DHX32: variants seen among roughly 807,000 people sequenced by gnomAD.
DHX32 encodes DEAH-box helicase 32 (putative), also known as putative pre-mRNA-splicing factor ATP-dependent RNA helicase DHX32.
A neutral mutation model predicts 70.0 loss-of-function variants in DHX32; 51 were observed. The observed-to-expected ratio is 0.73, with a 90% confidence interval of 0.58 to 0.92. DHX32 has a LOEUF of 0.92. Ranked by LOEUF, DHX32 falls within the 40% of genes least tolerant of loss-of-function variation. The pLI, the probability that DHX32 is intolerant of heterozygous loss-of-function variation, is 0.00. For missense variants in DHX32, 762 were observed against 891.8 expected (o/e 0.85, Z 1.85); for synonymous variants, 310 against 315.3 (o/e 0.98, Z 0.18).
rs1165588752 is a variant in DHX32, at chr10:125,850,342, TTTTC to T, written c.1351+1947_1351+1950del. ...CTGGCCTCTGCAGCCTTTGACTTTC[TTTTC>T]TTTCTTTCTTTTTTTTTTTTTTTTT... On this transcript the variant is annotated intron_variant, in intron 6 of 10. Coordinates refer to ENST00000284690, the MANE Select transcript of DHX32 (RefSeq NM_018180.3). 2.4e-3 allele frequency among the ~76,000 whole-genome samples: 362 copies of T among 150,232 alleles called. 1 individual carries two copies. The highest frequency in any genetic ancestry group is 6.7e-3 in the African/African-American group (274 of 40,758).
At chr10:125,838,879 A>G in intron 9 of DHX32, 122 bp downstream of exon 9, 1 of 1,165,186 alleles carries the variant, frequency 8.6e-7, no homozygotes, top group Non-Finnish European at 1.2e-6. Flanking sequence ...ATCTTTAATA[A>G]TAACATGGAT....
At chr10:125,878,265 A>G (rs1167192466) in intron 1 of DHX32, among the ~76,000 whole-genome samples, 1 of 152,220 alleles carries the variant, frequency 6.6e-6, no homozygotes, top group East Asian at 1.9e-4. Flanking sequence ...TTACCTTTTT[A>G]AAGATAAATT....
Position 125,839,123 on chromosome 10 carries a change from T to A in DHX32, c.1759A>T (p.Ile587Phe). 1 of 1,614,246 alleles carries A rather than the reference T, an allele frequency of 6.2e-7. No homozygotes were observed. The highest frequency in any genetic ancestry group is 1.3e-5 in the African/African-American group (1 of 75,062). Residue 587 changes from isoleucine to phenylalanine, a missense_variant, in exon 9 of 11, where the codon ATT becomes TTT. Transcript: ENST00000284690. ...NCSALRMADV[I>F]RAELLEIIKR... ...ATAATTTCTAAGAGTTCAGCTCGAA[T>A]AACATCTGCCATTCTGAGTGCTGAA...
At chr10:125,840,425 CT>C (rs1290827488) in intron 8 of DHX32, among the ~76,000 whole-genome samples, 7 of 152,270 alleles carry the variant, frequency 4.6e-5, no homozygotes, top group Non-Finnish European at 5.9e-5. Flanking sequence ...GTATCTGGAG[CT>C]CTGCAGCCTC....
At chr10:125,894,052 C>G (rs77063093) in intron 1 of DHX32, among the ~76,000 whole-genome samples, 1 of 152,208 alleles carries the variant, frequency 6.6e-6, no homozygotes, top group Non-Finnish European at 1.5e-5. Context: ...GCAAAGTAAA[C>G]AATAATGTAA....
intron 1 of DHX32, among the ~76,000 whole-genome samples, chr10:125,879,112 C>T (rs915094383): frequency 2.0e-5 from 3 of 146,458 alleles, no homozygotes; most frequent in African/African-American, 5.1e-5. Flanking sequence ...CAGCCTTGAC[C>T]TCATGGGCTC....
At chr10:125,846,604 G>C (rs1055793288) in intron 6 of DHX32, among the ~76,000 whole-genome samples, 2 of 152,174 alleles carry the variant, frequency 1.3e-5, no homozygotes, top group Non-Finnish European at 2.9e-5. Flanking sequence ...AGATGCACAC[G>C]TAAATCAAGA....
At chr10:125,870,761 C>T (rs540259613) in intron 1 of DHX32, among the ~76,000 whole-genome samples, 80 of 152,068 alleles carry the variant, frequency 5.3e-4, no homozygotes, top group African/African-American at 1.8e-3. Context: ...CACTTGAACC[C>T]GGGAGGCGCA....
rs1433624184 is a variant in DHX32, at chr10:125,853,995, C to A, written c.1058G>T (p.Arg353Ile). 6.2e-7 allele frequency: 1 copy of A among 1,613,852 alleles called. No homozygotes were observed. The highest frequency in any genetic ancestry group is 8.5e-7 in the Non-Finnish European group (1 of 1,179,964). Residue 353 changes from arginine (R) to isoleucine (I), a missense_variant, in exon 4 of 11, where the codon AGA becomes ATA. Coordinates refer to ENST00000284690, the MANE Select transcript of DHX32 (RefSeq NM_018180.3). ...TTCCACACCCACATCGATAACAAAT[C>A]TGACTGAGTTGCTCCAGATCAAAAA... Reference protein sequence around the residue: ...GEFLIWSNSVRFVIDVGVERR... With the variant: ...GEFLIWSNSVIFVIDVGVERR...
rs1436761900 is a variant in DHX32 at position 125,867,074 on chromosome 10, G to A, written c.392C>T (p.Ala131Val). Residue 131 changes from alanine to valine, a missense_variant, in exon 2 of 11, where the codon GCG becomes GTG. Transcript: ENST00000284690. ...ACCAATGTTAACATCCATTTCATCC[G>A]CCACCCGCAGGGCGAGCTGGACCAC... The part of the protein sequence containing the change: ...QTVVQLALRV[A>V]DEMDVNIGHE... 3 of 1,614,162 alleles carry A rather than the reference G, an allele frequency of 1.9e-6. No individual in the cohort carries two copies. The highest frequency in any genetic ancestry group is 1.1e-5 in the South Asian group (1 of 91,076).
chr10:125,891,549 T>C (rs1159535999), intron 1 of DHX32, among the ~76,000 whole-genome samples: 6 of 152,214 alleles, frequency 3.9e-5, no homozygotes, highest in Non-Finnish European at 5.9e-5. Flanking sequence ...CTAGGCAACA[T>C]AGCAAGACTC....
Position 125,859,635 on chromosome 10 carries a change from C to G in DHX32, c.817G>C (p.Gly273Arg), listed in dbSNP as rs1445329703. 1.2e-6 allele frequency: 2 copies of G among 1,602,604 alleles called. No homozygotes were observed. Among genetic ancestry groups the G allele is most frequent in the Non-Finnish European group, 1.7e-6 (2 of 1,175,230 alleles). The change falls in exon 3 of 11, where the codon GGT becomes CGT. Residue 273 changes from glycine to arginine, a missense_variant. Gly to Arg is a moderately radical substitution (Grantham distance 125). This residue lies in a region of DHX32 where 394 missense variants were observed against 473.1 expected (regional missense o/e 0.83). Transcript: ENST00000284690. ...IFEIHHSGEK[G>R]DIVVFLACEQ... ...CAGGCCAGAAAGACTACAATGTCAC[C>G]TTTCTCACCCGAGTGGTGAATTTCA...
chr10:125,887,892 G>A (rs564567609), intron 1 of DHX32, among the ~76,000 whole-genome samples: 45 of 152,224 alleles, frequency 3.0e-4, no homozygotes, highest in African/African-American at 1.1e-3. Context: ...TTATGAGCAG[G>A]TGCACCAAGC....
In DHX32 at chr10:125,880,900, G is replaced by A. The variant is rs918615855; in HGVS notation, c.-76C>T. 4 of 1,507,720 alleles carry A rather than the reference G, an allele frequency of 2.7e-6. No homozygotes were observed. The highest frequency in any genetic ancestry group is 3.6e-6 in the Non-Finnish European group (4 of 1,121,412). The allele number at this position is 1,507,720 out of a possible 1,614,324, so 93.4% of individuals were successfully genotyped here. ...CTATCAGTAACCCATTGCAAACAGG[G>A]CTTAAAAGCCTATTTATACAAACCC... On this transcript the variant is annotated 5_prime_UTR_variant, in exon 1 of 11. Transcript: ENST00000284690.
intron 1 of DHX32, among the ~76,000 whole-genome samples, chr10:125,886,311 C>G (rs143623094): frequency 6.6e-5 from 10 of 151,152 alleles, no homozygotes; most frequent in South Asian, 4.2e-4. Flanking sequence ...AAACCACTTC[C>G]TAACCTCTTT....
chr10:125,885,485 G>A (rs144921402), upstream of DHX32, among the ~76,000 whole-genome samples: 6 of 152,246 alleles, frequency 3.9e-5, no homozygotes, highest in East Asian at 1.9e-4. Context: ...GAAGAAGGTC[G>A]GAGAGATGCA....
Position 125,852,354 on chromosome 10 carries a change from C to T in DHX32, c.1290G>A (p.Val430=). The change falls in exon 6 of 11, where the codon GTG becomes GTA. Residue 430 remains valine (V), a synonymous_variant. Transcript: ENST00000284690. ...EMQEANLTSM[V]LFMKRIDIAG... is the part of the protein sequence containing the mutation. ...CAATGTCTATCCTCTTCATAAAAAG[C>T]ACCATGCTTGTTAGGTTGGCTTCCT... The T allele has an allele frequency of 1.2e-6, 2 of 1,614,196 alleles. No individual in the cohort carries two copies. The highest frequency in any genetic ancestry group is 2.2e-5 in the East Asian group (1 of 44,890).
intron 6 of DHX32, among the ~76,000 whole-genome samples, chr10:125,850,354 CTTTTTTTT>C (rs765077777): frequency 8.0e-6 from 1 of 124,560 alleles, no homozygotes; most frequent in Non-Finnish European, 1.7e-5. Flanking sequence ...TTCTTTCTTT[CTTTTTTTT>C]TTTTTTTTTT....
Position 125,836,533 on chromosome 10 carries a change from A to G in DHX32, c.*154T>C. The G allele has an allele frequency of 7.5e-7, 1 of 1,335,762 alleles. No homozygotes were observed. The highest frequency in any genetic ancestry group is 2.6e-5 in the East Asian group (1 of 38,360). The allele number at this position is 1,335,762 out of a possible 1,614,324, so 82.7% of individuals were successfully genotyped here. On this transcript the variant is annotated 3_prime_UTR_variant, in exon 11 of 11. Transcript: ENST00000284690. ...TTTAAAGAACTCAATAAAAACTTCT[A>G]TTTTTTATTTTAAAATAATATACAC...
Sources: gnomAD v4.1 joint callset for allele counts (sites outside exome capture counted in the v4.1 genomes callset) on GRCh38, gnomAD v4.1.1 for gene constraint, gnomAD v4.1.1 regional missense constraint, MANE v1.5 for transcripts, NCBI Gene and HGNC (gene_info 2026-07-23, HGNC 2026-07-21) for gene names.